The following GRM5 variants were observed in gnomAD, a reference collection of about 807,000 sequenced individuals.
GRM5 encodes metabotropic glutamate receptor 5.
A neutral mutation model predicts 83.1 loss-of-function variants in GRM5; 19 were observed. The observed-to-expected ratio is 0.23, with a 90% CI of 0.16 to 0.34. The LOEUF (loss-of-function observed/expected upper bound fraction) is 0.34. Among genes scored for constraint, GRM5 ranks in the 10% least tolerant of loss-of-function variants. The pLI, the probability that GRM5 is intolerant of heterozygous loss-of-function variation, is 1.00. For missense variants in GRM5, 1,160 were observed against 1,588.3 expected, an observed-to-expected ratio of 0.73 and a Z score of 4.58; for synonymous variants, 675 against 633.6, an observed-to-expected ratio of 1.07 and a Z score of -0.98.
intron 4 of GRM5, among the ~76,000 whole-genome samples, chr11:88,639,610 T>C (rs148125031): frequency 0.011 from 1,636 of 151,490 alleles, 32 homozygotes; most frequent in African/African-American, 0.037. Flanking sequence ...TTTTTTGAGA[T>C]GGAGTCTCGC....
At chr11:88,646,850 C>T (rs1939469932) in intron 4 of GRM5, among the ~76,000 whole-genome samples, 1 of 148,266 alleles carries the variant, frequency 6.7e-6, no homozygotes, top group African/African-American at 2.4e-5. Flanking sequence ...TTGAGGATCT[C>T]TCTTGGTTAA....
intron 1 of GRM5, among the ~76,000 whole-genome samples, chr11:89,053,695 A>C (rs1289020835): frequency 1.3e-5 from 2 of 149,904 alleles, no homozygotes; most frequent in South Asian, 2.1e-4. Context: ...AAAAAAAAAA[A>C]CAAAATGCAG....
chr11:88,990,282 G>A (rs911593946), intron 2 of GRM5, among the ~76,000 whole-genome samples: 9 of 152,032 alleles, frequency 5.9e-5, no homozygotes, highest in Non-Finnish European at 8.8e-5. Context: ...TAAATTCCTC[G>A]ACCCATACAC....
intron 3 of GRM5, among the ~76,000 whole-genome samples, chr11:88,655,915 T>A (rs1223526088): frequency 6.6e-6 from 1 of 152,040 alleles, no homozygotes; most frequent in Non-Finnish European, 1.5e-5. Flanking sequence ...GCTATGTTAA[T>A]CCCAAAAAAG....
chr11:88,655,572 G>T (rs1449317793), intron 3 of GRM5, among the ~76,000 whole-genome samples: 1 of 151,648 alleles, frequency 6.6e-6, no homozygotes, highest in Non-Finnish European at 1.5e-5. Flanking sequence ...ATTGTAAAAA[G>T]TTTGTCTTGA....
At chr11:88,977,377 T>G (rs1939376563) in intron 2 of GRM5, among the ~76,000 whole-genome samples, 1 of 151,982 alleles carries the variant, frequency 6.6e-6, no homozygotes, top group African/African-American at 2.4e-5. Flanking sequence ...CACACCCAGC[T>G]AATTTTTGTA....
intron 4 of GRM5, among the ~76,000 whole-genome samples, chr11:88,649,291 C>G (rs5793340): frequency 4.2e-5 from 1 of 23,802 alleles, no homozygotes; most frequent in Non-Finnish European, 1.4e-3. Flanking sequence ...ATATGTAATA[C>G]ATATATATTA....
At chr11:89,038,715 C>T (rs1941453576) in intron 2 of GRM5, among the ~76,000 whole-genome samples, 2 of 152,256 alleles carry the variant, frequency 1.3e-5, no homozygotes, top group South Asian at 4.1e-4. Flanking sequence ...AGTGGAGAAA[C>T]AAGTAGGGTT....
intron 3 of GRM5, among the ~76,000 whole-genome samples, chr11:88,702,379 A>G (rs1174167854): frequency 3.9e-5 from 6 of 152,058 alleles, no homozygotes; most frequent in Admixed American, 1.3e-4. Flanking sequence ...ACTGCCTCAC[A>G]GTGCAGCTTC....
chr11:88,684,268 C>A (rs1216491415), intron 3 of GRM5, among the ~76,000 whole-genome samples: 1 of 152,068 alleles, frequency 6.6e-6, no homozygotes, highest in Non-Finnish European at 1.5e-5. Context: ...GATATGAAAC[C>A]ATTGGAATGT....
chr11:89,053,236 T>C (rs1203405449), intron 1 of GRM5, among the ~76,000 whole-genome samples: 2 of 152,084 alleles, frequency 1.3e-5, no homozygotes, highest in African/African-American at 4.8e-5. Flanking sequence ...TGTATTTACA[T>C]TGCCTGAATA....
intron 8 of GRM5, among the ~76,000 whole-genome samples, chr11:88,550,544 A>G (rs149376187): frequency 4.6e-5 from 7 of 152,312 alleles, no homozygotes; most frequent in African/African-American, 7.2e-5. Flanking sequence ...CTTCTTGTGT[A>G]CATTTGCTTT....
chr11:88,685,096 A>G (rs1303497133), intron 3 of GRM5, among the ~76,000 whole-genome samples: 2 of 152,218 alleles, frequency 1.3e-5, no homozygotes, highest in African/African-American at 2.4e-5. Flanking sequence ...AATATGTAGG[A>G]AAGTTTGGAA....
intron 4 of GRM5, among the ~76,000 whole-genome samples, chr11:88,625,756 T>C (rs1405659807): frequency 6.6e-6 from 1 of 152,080 alleles, no homozygotes; most frequent in Non-Finnish European, 1.5e-5. Context: ...AATGTGTGCA[T>C]ATAGCCCCAA....
chr11:88,768,250 ATAT>A (rs1398766731), intron 3 of GRM5, among the ~76,000 whole-genome samples: 2 of 152,074 alleles, frequency 1.3e-5, no homozygotes, highest in Non-Finnish European at 2.9e-5. Flanking sequence ...ATACAATGAA[ATAT>A]TATTCAACCT....
chr11:88,629,839 C>T (rs146706034), intron 4 of GRM5, among the ~76,000 whole-genome samples: 253 of 152,294 alleles, frequency 1.7e-3, no homozygotes, highest in African/African-American at 5.8e-3. Flanking sequence ...CTGTCTTTGT[C>T]TAAGTCCTCT....
chr11:88,792,156 G>C (rs569988620), intron 3 of GRM5, among the ~76,000 whole-genome samples: 2 of 152,076 alleles, frequency 1.3e-5, no homozygotes, highest in African/African-American at 4.8e-5. Flanking sequence ...TATTGTAGTG[G>C]CATTAGAAAG....
intron 4 of GRM5, among the ~76,000 whole-genome samples, chr11:88,648,662 A>G (rs1939536216): frequency 6.7e-6 from 1 of 149,502 alleles, no homozygotes; most frequent in African/African-American, 2.4e-5. Flanking sequence ...ATAAAAAAAA[A>G]AAAAGATTTT....
intron 3 of GRM5, among the ~76,000 whole-genome samples, chr11:88,751,435 A>T (rs188446259): frequency 6.6e-6 from 1 of 152,282 alleles, no homozygotes; most frequent in Admixed American, 6.5e-5. Context: ...TAGACTAATA[A>T]TGAGTTCTGA....
Sources: gnomAD v4.1 joint callset for allele counts (sites outside exome capture counted in the v4.1 genomes callset) on GRCh38, gnomAD v4.1.1 for gene constraint, MANE v1.5 for transcripts, NCBI Gene and HGNC (gene_info 2026-07-23, HGNC 2026-07-21) for gene names.